Variants in HPCAL1 observed in about 807,000 individuals in gnomAD.
HPCAL1 encodes the protein hippocalcin like 1.
A neutral mutation model predicts 17.1 loss-of-function variants in HPCAL1; 8 were observed. That is an observed-to-expected ratio of 0.47 (90% CI 0.27 to 0.84). HPCAL1 has a LOEUF of 0.84. Among genes scored for constraint, HPCAL1 ranks in the 40% least tolerant of loss-of-function variants. The pLI is 0.13. For synonymous variants in HPCAL1, 112 were observed against 111.4 expected (o/e 1.01, Z -0.03); for missense variants, 165 against 271.1 (o/e 0.61, Z 2.75).
intron 2 of HPCAL1, among the ~76,000 whole-genome samples, chr2:10,404,716 T>G (rs752395345): frequency 1.3e-5 from 2 of 152,218 alleles, no homozygotes; most frequent in East Asian, 1.9e-4. Flanking sequence ...TGACTGGGCT[T>G]CTTCTGTCCT....
At chr2:10,329,873 CT>C (rs1397324074) in intron 1 of HPCAL1, among the ~76,000 whole-genome samples, 1 of 152,204 alleles carries the variant, frequency 6.6e-6, no homozygotes, top group Admixed American at 6.5e-5. Flanking sequence ...AGATTTGCTG[CT>C]TTTTTTCTAA....
chr2:10,335,735 C>T (rs1664673601), intron 1 of HPCAL1, among the ~76,000 whole-genome samples: 2 of 152,204 alleles, frequency 1.3e-5, no homozygotes, highest in Non-Finnish European at 1.5e-5. Context: ...TTTCACTCCC[C>T]TCTACAAGGG....
Position 10,344,187 on chromosome 2 carries a change from C to T in HPCAL1, c.-111+41010C>T, listed in dbSNP as rs1431625258. On this transcript the variant is annotated intron_variant, in intron 1 of 4. Transcript: ENST00000307845. The surrounding 1 kb of genome is among the most constrained non-coding windows in gnomAD (Gnocchi z 4.9). Reference sequence around the variant, plus strand: ...ACAGCTTTGATCTCGAAGTCTCGGCCGCTCCTGGCTCAGAGGACCCTGGGG... The same window carrying T: ...ACAGCTTTGATCTCGAAGTCTCGGCTGCTCCTGGCTCAGAGGACCCTGGGG... 1.3e-5 allele frequency among the ~76,000 whole-genome samples: 2 copies of T among 152,178 alleles called. No individual in the cohort carries two copies. The highest frequency in any genetic ancestry group is 2.1e-4 in the South Asian group (1 of 4,830).
intron 1 of HPCAL1, among the ~76,000 whole-genome samples, chr2:10,378,336 C>A: frequency 6.8e-6 from 1 of 147,254 alleles, no homozygotes; most frequent in South Asian, 2.1e-4. Flanking sequence ...TTGGTTGCAG[C>A]TGTTAGTTTT....
chr2:10,308,071 G>A (rs1033278996), intron 1 of HPCAL1, among the ~76,000 whole-genome samples: 11 of 152,132 alleles, frequency 7.2e-5, no homozygotes, highest in Admixed American at 2.6e-4. Context: ...ACCAGGGAGC[G>A]TGAAGTGCTA....
intron 2 of HPCAL1, among the ~76,000 whole-genome samples, chr2:10,418,744 C>T (rs1164426635): frequency 6.6e-6 from 1 of 152,142 alleles, no homozygotes; most frequent in East Asian, 1.9e-4. Context: ...GCCGGTTGAT[C>T]AGTCTTGCAT....
At chr2:10,320,093 C>T (rs996478677) in intron 1 of HPCAL1, among the ~76,000 whole-genome samples, 5 of 152,118 alleles carry the variant, frequency 3.3e-5, no homozygotes, top group African/African-American at 1.2e-4. Context: ...TCCAAGAAGC[C>T]TCCTGGGCTA....
At chr2:10,421,575 C>A (rs964548101) in intron 3 of HPCAL1, among the ~76,000 whole-genome samples, 1 of 152,148 alleles carries the variant, frequency 6.6e-6, no homozygotes, top group African/African-American at 2.4e-5. Flanking sequence ...GTGGCATGCA[C>A]CTGTAGTCCC....
Position 10,426,684 on chromosome 2 carries a change from G to A in HPCAL1, c.485-40G>A, listed in dbSNP as rs1421198717. The stretch of plus-strand genomic sequence containing the variant: ...ATCCTCTCTGGAAGCATAAAGAACA[G>A]TGAGCACTGGCTAATCCCATTGTCT... On this transcript the variant is annotated intron_variant, in intron 4 of 4. Transcript: ENST00000307845. 2.7e-6 allele frequency: 4 copies of A among 1,508,842 alleles called. No homozygotes were observed. The African/African-American group carries it at 4.1e-5, about 16-fold the overall frequency. The allele number at this position is 1,508,842 out of a possible 1,614,324, so 93.5% of individuals were successfully genotyped here.
rs1449574329 is a variant in HPCAL1, at chr2:10,427,162, G to A, written c.*341G>A. On this transcript the variant is annotated 3_prime_UTR_variant, in exon 5 of 5. Transcript: ENST00000307845. ...CAGGACCTCCCGAGGCTGCGCCCCG[G>A]CCGGCCCATGCGTTTTGTGATCCCA... The A allele has an allele frequency of 6.4e-5, 17 of 267,342 alleles. No individual in the cohort carries two copies. Among genetic ancestry groups the A allele is most frequent in the Non-Finnish European group, 1.1e-4 (15 of 137,484 alleles). The allele number at this position is 267,342 out of a possible 1,614,324, so 16.6% of individuals were successfully genotyped here.
intron 2 of HPCAL1, among the ~76,000 whole-genome samples, chr2:10,412,684 C>G (rs1278122378): frequency 6.6e-6 from 1 of 152,228 alleles, no homozygotes; most frequent in Non-Finnish European, 1.5e-5. Flanking sequence ...GGTCTCGGCA[C>G]AGGCTCTATT....
intron 1 of HPCAL1, among the ~76,000 whole-genome samples, chr2:10,374,257 T>TA (rs1667405225): frequency 6.6e-6 from 1 of 151,350 alleles, no homozygotes; most frequent in South Asian, 2.1e-4. Flanking sequence ...ACACTTATTT[T>TA]AATTATAAGA....
intron 1 of HPCAL1, among the ~76,000 whole-genome samples, chr2:10,374,881 G>A (rs905647924): frequency 1.1e-4 from 17 of 152,254 alleles, no homozygotes; most frequent in African/African-American, 3.9e-4. Context: ...CCCTGGGGCT[G>A]GACCCCTTGT....
In HPCAL1 at chr2:10,398,070, T is replaced by C. The variant is rs560122965; in HGVS notation, c.-25+1150T>C. Among the ~76,000 whole-genome samples the C allele has an allele frequency of 3.9e-5, 6 of 152,312 alleles. No homozygotes were observed. The South Asian group carries it at 1.2e-3, about 32-fold the overall frequency. ...CCCTCTCATGGTCTCATGACTATTATGGTGACTCTTGTCACTCACCACCCT... is the reference window on the plus strand; with the variant it reads ...CCCTCTCATGGTCTCATGACTATTACGGTGACTCTTGTCACTCACCACCCT... On this transcript the variant is annotated intron_variant, in intron 2 of 4. Coordinates refer to ENST00000307845, the MANE Select transcript of HPCAL1 (RefSeq NM_002149.4).
chr2:10,318,441 C>T (rs543830493), intron 1 of HPCAL1, among the ~76,000 whole-genome samples: 1 of 152,186 alleles, frequency 6.6e-6, no homozygotes, highest in African/African-American at 2.4e-5. Context: ...GTCCCGGTGC[C>T]GGACAGCCTG....
At chr2:10,333,528 C>T (rs188811998) in intron 1 of HPCAL1, among the ~76,000 whole-genome samples, 8 of 152,270 alleles carry the variant, frequency 5.3e-5, no homozygotes, top group Admixed American at 2.6e-4. Flanking sequence ...TCTCTTCCCA[C>T]GTGGGCAGCT....
chr2:10,379,045 C>G (rs1267614225), intron 1 of HPCAL1, among the ~76,000 whole-genome samples: 13 of 152,040 alleles, frequency 8.6e-5, no homozygotes. Context: ...AAAATATTTG[C>G]GGTCGGGTGC....
intron 2 of HPCAL1, among the ~76,000 whole-genome samples, chr2:10,405,936 A>G (rs778919365): frequency 4.6e-5 from 7 of 152,112 alleles, no homozygotes; most frequent in Non-Finnish European, 8.8e-5. Flanking sequence ...GGTGATTCAC[A>G]TGGTTGTTTC....
Position 10,341,175 on chromosome 2 carries a change from G to T in HPCAL1, c.-111+37998G>T, listed in dbSNP as rs370770655. Among the ~76,000 whole-genome samples, 52 of 152,104 alleles carry T rather than the reference G, an allele frequency of 3.4e-4. 1 individual carries two copies. Among genetic ancestry groups the T allele is most frequent in the African/African-American group, 1.2e-3 (51 of 41,490 alleles). On this transcript the variant is annotated intron_variant, in intron 1 of 4. Coordinates refer to ENST00000307845, the MANE Select transcript of HPCAL1 (RefSeq NM_002149.4). ...TTTATGATAGAAACTGTGGGCTGGG[G>T]TGCAGTGCTGGGGTGCTGGGGTGCC...
Sources: gnomAD v4.1 joint callset for allele counts (sites outside exome capture counted in the v4.1 genomes callset) on GRCh38, gnomAD v4.1.1 for gene constraint, Gnocchi (gnomAD v3.1) non-coding constraint, MANE v1.5 for transcripts, NCBI Gene and HGNC (gene_info 2026-07-23, HGNC 2026-07-21) for gene names.